The following NRXN1 variants were observed in gnomAD, a reference collection of about 807,000 sequenced individuals.
The protein encoded by NRXN1 is neurexin 1.
Under a neutral mutation model 150.9 loss-of-function variants are expected in NRXN1, and 39 were observed. That is an observed-to-expected ratio of 0.26 (90% CI 0.20 to 0.34). The LOEUF (loss-of-function observed/expected upper bound fraction) is 0.34. NRXN1 is among the 10% of genes least tolerant of loss of function. The probability of loss-of-function intolerance (pLI) is 1.00; values close to 1 mark genes in which losing one functional copy is unlikely to be tolerated. For synonymous variants in NRXN1, 924 were observed against 757.0 expected (o/e 1.22, Z -3.62); for missense variants, 1,815 against 1,949.9 (o/e 0.93, Z 1.30).
chr2:50,620,039 T>C lies in NRXN1; in HGVS notation c.1303A>G (p.Met435Val). 1 of 1,606,638 alleles carries C rather than the reference T, an allele frequency of 6.2e-7. No homozygotes were observed. Among genetic ancestry groups the C allele is most frequent in the Non-Finnish European group, 8.5e-7 (1 of 1,175,946 alleles). ...ATATTTACCTCTTTGAGACAGCCCA[T>C]AAAGTTGTTACTGACTGGTGACCCT... is the stretch of plus-strand genomic sequence containing the variant. ...LPGSPVSNNFMGCLKEVVYKN... is the reference protein window; with the variant it reads ...LPGSPVSNNFVGCLKEVVYKN... The change falls in exon 8 of 23, where the codon ATG becomes GTG. Residue 435 changes from methionine (M) to valine (V), a missense_variant. Physicochemically the swap from Met to Val is conservative, Grantham distance 21. Transcript: ENST00000401669.
At chr2:50,591,683 G>A (rs568262210) in intron 8 of NRXN1, among the ~76,000 whole-genome samples, 11 of 152,274 alleles carry the variant, frequency 7.2e-5, no homozygotes, top group East Asian at 3.9e-4. Context: ...GGGGGCTGAC[G>A]ACAGCGAGGC....
intron 22 of NRXN1, among the ~76,000 whole-genome samples, chr2:49,933,701 G>A (rs1670533715): frequency 6.6e-6 from 1 of 152,158 alleles, no homozygotes; most frequent in African/African-American, 2.4e-5. Flanking sequence ...AGGGCATTCA[G>A]TATGAAAGTA....
chr2:50,736,203 C>T (rs753851114), intron 5 of NRXN1, among the ~76,000 whole-genome samples: 1 of 152,174 alleles, frequency 6.6e-6, no homozygotes, highest in South Asian at 2.1e-4. Flanking sequence ...TGCTGTGTTT[C>T]CTCTACATAA....
chr2:50,234,002 C>T (rs1318135113), intron 18 of NRXN1, among the ~76,000 whole-genome samples: 1 of 151,900 alleles, frequency 6.6e-6, no homozygotes, highest in Non-Finnish European at 1.5e-5. Context: ...TTCCTTTCTT[C>T]CCTCCCTTTC....
intron 17 of NRXN1, among the ~76,000 whole-genome samples, chr2:50,378,486 T>C (rs1369553413): frequency 6.6e-6 from 1 of 152,128 alleles, no homozygotes; most frequent in African/African-American, 2.4e-5. Flanking sequence ...AGAATTTCGG[T>C]TGCTTACCCT....
chr2:50,507,636 C>CAA (rs71404959), intron 12 of NRXN1, among the ~76,000 whole-genome samples: 9,425 of 107,176 alleles, frequency 0.088, 640 homozygotes, highest in Non-Finnish European at 0.11. Context: ...TCCGTCACCT[C>CAA]AAAAAAAAAA....
chr2:50,712,062 G>A (rs2105050713), intron 5 of NRXN1, among the ~76,000 whole-genome samples: 1 of 152,172 alleles, frequency 6.6e-6, no homozygotes, highest in East Asian at 1.9e-4. Context: ...ATTTCAAGTA[G>A]GAAAGATAAT....
At chr2:49,975,560 A>G (rs927919764) in intron 21 of NRXN1, among the ~76,000 whole-genome samples, 17 of 152,198 alleles carry the variant, frequency 1.1e-4, no homozygotes, top group Admixed American at 3.3e-4. Flanking sequence ...CTTTCATTCA[A>G]TATTGACTAT....
intron 17 of NRXN1, among the ~76,000 whole-genome samples, chr2:50,321,450 T>A (rs552154130): frequency 6.6e-6 from 1 of 152,186 alleles, no homozygotes; most frequent in Non-Finnish European, 1.5e-5. Flanking sequence ...GATTCACCTT[T>A]TCCATCCTAT....
chr2:51,020,183 T>C (rs952850185), intron 2 of NRXN1, among the ~76,000 whole-genome samples: 5 of 151,870 alleles, frequency 3.3e-5, no homozygotes, highest in Admixed American at 6.6e-5. Context: ...CATTGTTTTG[T>C]CCTCTTCTAG....
In NRXN1 at chr2:50,506,015, G is replaced by T. The variant is rs558822472; in HGVS notation, c.2497+480C>A. On this transcript the variant is annotated intron_variant, in intron 13 of 22. Transcript: ENST00000401669. ...TTAATATTAGAATTTAACCAACTGA[G>T]CTGAGTGGCCAAAAATAATCTATTA... is the stretch of plus-strand genomic sequence containing the variant. Among the ~76,000 whole-genome samples the T allele has an allele frequency of 2.0e-5, 3 of 152,210 alleles. No homozygotes were observed. The South Asian group carries it at 6.2e-4, about 32-fold the overall frequency.
chr2:50,857,671 C>G (rs1452070849), intron 5 of NRXN1, among the ~76,000 whole-genome samples: 1 of 152,082 alleles, frequency 6.6e-6, no homozygotes. Context: ...AGGCCTAGGT[C>G]AAGGTCTATT....
chr2:50,615,346 A>G (rs983962285), intron 8 of NRXN1: 2 of 152,170 alleles, frequency 1.3e-5, no homozygotes, highest in Non-Finnish European at 2.9e-5. Context: ...ACAAACTTCA[A>G]ATAAAGGATT....
chr2:50,121,088 G>A (rs919693909), intron 18 of NRXN1, among the ~76,000 whole-genome samples: 1 of 152,172 alleles, frequency 6.6e-6, no homozygotes, highest in African/African-American at 2.4e-5. Context: ...GCAGTGGCAC[G>A]ATGTCAGCTG....
At chr2:50,895,847 T>C (rs1681861760) in intron 5 of NRXN1, among the ~76,000 whole-genome samples, 1 of 152,150 alleles carries the variant, frequency 6.6e-6, no homozygotes, top group African/African-American at 2.4e-5. Flanking sequence ...CCCAAAGTGC[T>C]GGGATTACAG....
At chr2:50,115,252 C>CAT (rs997075850) in intron 18 of NRXN1, among the ~76,000 whole-genome samples, 1 of 141,852 alleles carries the variant, frequency 7.0e-6, no homozygotes, top group Non-Finnish European at 1.5e-5. Context: ...CACACACACA[C>CAT]ATATATATAA....
chr2:50,287,872 A>C (rs1419353773), intron 17 of NRXN1, among the ~76,000 whole-genome samples: 1 of 152,150 alleles, frequency 6.6e-6, no homozygotes, highest in Non-Finnish European at 1.5e-5. Context: ...TTAATAACCT[A>C]GGAAGTTTGC....
At chr2:50,722,318 A>G (rs1312119581) in intron 5 of NRXN1, among the ~76,000 whole-genome samples, 1 of 152,182 alleles carries the variant, frequency 6.6e-6, no homozygotes, top group Admixed American at 6.5e-5. Flanking sequence ...TAATTCTGAT[A>G]TATCAGCACT....
intron 17 of NRXN1, among the ~76,000 whole-genome samples, chr2:50,257,268 G>A (rs2152906208): frequency 6.6e-6 from 1 of 152,108 alleles, no homozygotes; most frequent in Non-Finnish European, 1.5e-5. Flanking sequence ...TACCTACCCT[G>A]AATAATTCTA....
Sources: gnomAD v4.1 joint callset for allele counts (sites outside exome capture counted in the v4.1 genomes callset) on GRCh38, gnomAD v4.1.1 for gene constraint, MANE v1.5 for transcripts, NCBI Gene and HGNC (gene_info 2026-07-23, HGNC 2026-07-21) for gene names.